Variants in OPCML observed in about 807,000 individuals in gnomAD.
OPCML encodes the protein opioid binding protein/cell adhesion molecule like.
Under a neutral mutation model 37.8 loss-of-function variants are expected in OPCML, and 13 were observed. The ratio of observed to expected loss-of-function variants is 0.34; its 90% confidence interval spans 0.22 to 0.55. The LOEUF is 0.55. Ranked by LOEUF, OPCML falls within the 20% of genes least tolerant of loss-of-function variation. The pLI, the probability that OPCML is intolerant of heterozygous loss-of-function variation, is 0.91. For missense variants in OPCML, 341 were observed against 435.6 expected (o/e 0.78, Z 1.93); for synonymous variants, 176 against 168.8 (o/e 1.04, Z -0.33).
chr11:133,189,853 T>C (rs1221125823), intron 1 of OPCML, among the ~76,000 whole-genome samples: 1 of 152,226 alleles, frequency 6.6e-6, no homozygotes, highest in Non-Finnish European at 1.5e-5. Context: ...ACTTCACATC[T>C]ATCCCTGGAG....
chr11:133,492,680 A>AG (rs1947691036), intron 1 of OPCML, among the ~76,000 whole-genome samples: 1 of 151,578 alleles, frequency 6.6e-6, no homozygotes, highest in Non-Finnish European at 1.5e-5. Context: ...AATATCAGGG[A>AG]GACAGATAAG....
At chr11:133,106,542 A>AT (rs1001994816) in intron 1 of OPCML, among the ~76,000 whole-genome samples, 1 of 152,220 alleles carries the variant, frequency 6.6e-6, no homozygotes, top group Non-Finnish European at 1.5e-5. Flanking sequence ...GAACTACATA[A>AT]TTGTGTATAT....
chr11:133,520,821 C>T (rs1251021290), intron 1 of OPCML, among the ~76,000 whole-genome samples: 1 of 152,174 alleles, frequency 6.6e-6, no homozygotes, highest in Non-Finnish European at 1.5e-5. Flanking sequence ...CTCATCACAA[C>T]CCAAATGGCA....
chr11:133,001,650 C>A (rs1230637171), intron 1 of OPCML, among the ~76,000 whole-genome samples: 1 of 152,222 alleles, frequency 6.6e-6, no homozygotes, highest in Non-Finnish European at 1.5e-5. Context: ...GTGGCAAAGG[C>A]CATCTGGAGT....
At chr11:133,506,935 G>A (rs193169479) in intron 1 of OPCML, among the ~76,000 whole-genome samples, 3 of 152,222 alleles carry the variant, frequency 2.0e-5, no homozygotes, top group Non-Finnish European at 4.4e-5. Flanking sequence ...GGTTCCCACA[G>A]TGCCCCCACT....
chr11:132,938,510 T>C (rs1240997998), intron 2 of OPCML, among the ~76,000 whole-genome samples: 1 of 152,238 alleles, frequency 6.6e-6, no homozygotes, highest in Non-Finnish European at 1.5e-5. Flanking sequence ...ATTGAGGAGT[T>C]CAACTTAGTA....
chr11:133,183,914 C>T (rs1053278234), intron 1 of OPCML, among the ~76,000 whole-genome samples: 8 of 152,148 alleles, frequency 5.3e-5, no homozygotes, highest in Non-Finnish European at 7.3e-5. Flanking sequence ...CAATTACACC[C>T]GAGTCTACTC....
chr11:132,517,611 C>T (rs758266374), intron 4 of OPCML, among the ~76,000 whole-genome samples: 19 of 152,286 alleles, frequency 1.2e-4, no homozygotes, highest in African/African-American at 2.4e-4. Context: ...CTTGTAAAGT[C>T]GGTCTCAATT....
intron 6 of OPCML, 73 bp downstream of exon 6, chr11:132,436,586 C>A: frequency 6.3e-7 from 1 of 1,585,188 alleles, no homozygotes; most frequent in South Asian, 1.1e-5. Flanking sequence ...TTTCTTCATC[C>A]TCATCCTTCT....
At chr11:132,496,522 C>T (rs929083819) in intron 4 of OPCML, among the ~76,000 whole-genome samples, 1 of 152,232 alleles carries the variant, frequency 6.6e-6, no homozygotes, top group Non-Finnish European at 1.5e-5. Flanking sequence ...AGATAAGACA[C>T]AGCAGGTTGG....
At chr11:132,618,160 C>T (rs137922486) in intron 3 of OPCML, among the ~76,000 whole-genome samples, 41 of 152,272 alleles carry the variant, frequency 2.7e-4, no homozygotes, top group Admixed American at 2.4e-3. Flanking sequence ...CAACTTTGGT[C>T]ACAGATATCT....
intron 3 of OPCML, among the ~76,000 whole-genome samples, chr11:132,570,218 AT>A (rs2096434114): frequency 6.6e-6 from 1 of 152,140 alleles, no homozygotes; most frequent in Non-Finnish European, 1.5e-5. Flanking sequence ...ACATTTTACA[AT>A]TGTTTCTGGC....
At chr11:133,127,194 G>T (rs962187130) in intron 1 of OPCML, among the ~76,000 whole-genome samples, 3 of 152,086 alleles carry the variant, frequency 2.0e-5, no homozygotes, top group Non-Finnish European at 4.4e-5. Flanking sequence ...TATTCTTCTA[G>T]ATCCCTGGTA....
At chr11:132,936,290 C>T (rs1945371957) in intron 2 of OPCML, among the ~76,000 whole-genome samples, 1 of 152,128 alleles carries the variant, frequency 6.6e-6, no homozygotes, top group South Asian at 2.1e-4. Context: ...GGGGGACATA[C>T]TATGAATTTG....
chr11:133,306,890 G>A lies in OPCML; in HGVS notation c.61+225374C>T, dbSNP rs1444990776. On this transcript the variant is annotated intron_variant, in intron 1 of 7. Transcript: ENST00000524381. ...TTTATCCTTAACCAAGACACATACA[G>A]CTGGCCATGTAATAGGTATCATACA... is the stretch of plus-strand genomic sequence containing the variant. Among the ~76,000 whole-genome samples the A allele has an allele frequency of 2.0e-5, 3 of 152,194 alleles. No homozygotes were observed. The East Asian group carries it at 5.8e-4, about 29-fold the overall frequency.
chr11:133,526,376 A>C (rs975139556), intron 1 of OPCML, among the ~76,000 whole-genome samples: 6 of 152,090 alleles, frequency 3.9e-5, no homozygotes. Flanking sequence ...TGTGAATGTG[A>C]TTTTGAGAGT....
intron 1 of OPCML, among the ~76,000 whole-genome samples, chr11:132,968,558 T>C (rs1946266750): frequency 6.6e-6 from 1 of 152,198 alleles, no homozygotes; most frequent in Admixed American, 6.5e-5. Flanking sequence ...CATGAAGCCA[T>C]GAATGAATTA....
At chr11:132,760,922 T>C (rs544635955) in intron 2 of OPCML, among the ~76,000 whole-genome samples, 3 of 152,342 alleles carry the variant, frequency 2.0e-5, no homozygotes, top group Non-Finnish European at 4.4e-5. Context: ...GGTATGTTTG[T>C]GCAGTGGCTG....
intron 1 of OPCML, among the ~76,000 whole-genome samples, chr11:133,023,897 T>C (rs1360099308): frequency 6.6e-6 from 1 of 152,228 alleles, no homozygotes; most frequent in Non-Finnish European, 1.5e-5. Context: ...AGTTTCATTC[T>C]GTGGGTGGCA....
Sources: allele counts gnomAD v4.1 joint callset (sites outside exome capture counted in the v4.1 genomes callset), GRCh38; gene constraint gnomAD v4.1.1; transcripts MANE v1.5; gene names NCBI Gene and HGNC (gene_info 2026-07-23, HGNC 2026-07-21).